The following SEMA6D variants were observed in gnomAD, a reference collection of about 807,000 sequenced individuals.
SEMA6D encodes semaphorin-6D.
Under a neutral mutation model 106.6 loss-of-function variants are expected in SEMA6D, and 35 were observed. The observed-to-expected ratio is 0.33, with a 90% confidence interval of 0.25 to 0.44. The LOEUF (loss-of-function observed/expected upper bound fraction) is 0.44. Among genes scored for constraint, SEMA6D ranks in the 20% least tolerant of loss-of-function variants. SEMA6D has a pLI of 1.00. For missense variants in SEMA6D, 1,185 were observed against 1,345.9 expected, an observed-to-expected ratio of 0.88 and a Z score of 1.87; for synonymous variants, 499 against 487.7, an observed-to-expected ratio of 1.02 and a Z score of -0.31.
At position 47,768,680 on chromosome 15, in the gene SEMA6D, G is replaced by A. The variant is rs545257336; in HGVS notation, c.1865G>A (p.Arg622Gln). 1.9e-5 allele frequency: 31 copies of A among 1,613,582 alleles called. No homozygotes were observed. Among genetic ancestry groups the A allele is most frequent in the Middle Eastern group, 1.7e-4 (1 of 6,054 alleles). The change falls in exon 18 of 19, where the codon CGG becomes CAG. Residue 622 changes from arginine (R) to glutamine (Q), a missense_variant. By Grantham distance (43) the Arg-to-Gln change is conservative (BLOSUM62 1). This residue lies in a region of SEMA6D where 750 missense variants were observed against 783.5 expected (regional missense o/e 0.96). Transcript: ENST00000536845. ...DTWRPKLTSS[R>Q]KFVVQDDPNT... ...TGGAGACCTAAACTGACAAGCTCTC[G>A]GAAATTTGTAGTTCAAGATGATCCA...
At chr15:47,622,201 CAAAAAAAA>C (rs199839582) in intron 4 of SEMA6D, among the ~76,000 whole-genome samples, 5 of 62,798 alleles carry the variant, frequency 8.0e-5, no homozygotes, top group African/African-American at 2.0e-4. Context: ...GAAACCCAGC[CAAAAAAAA>C]AAAAAAAAAA....
intron 1 of SEMA6D, among the ~76,000 whole-genome samples, chr15:47,219,622 T>G (rs1209212254): frequency 6.6e-6 from 1 of 152,190 alleles, no homozygotes; most frequent in Admixed American, 6.6e-5. Context: ...AGAAACATGG[T>G]GTTTTTATGC....
intron 1 of SEMA6D, among the ~76,000 whole-genome samples, chr15:47,381,171 T>C (rs1422037472): frequency 6.6e-6 from 1 of 152,256 alleles, no homozygotes; most frequent in East Asian, 1.9e-4. Context: ...ACTTGGACTA[T>C]GTCTACATGG....
rs575603119 is a variant in SEMA6D at position 47,668,990 on chromosome 15, A to G, written c.-55+68094A>G. Among the ~76,000 whole-genome samples the G allele has an allele frequency of 3.3e-5, 5 of 152,294 alleles. No homozygotes were observed. The East Asian group carries it at 9.7e-4, about 29-fold the overall frequency. On this transcript the variant is annotated intron_variant, in intron 4 of 19. Coordinates refer to the SEMA6D transcript ENST00000558014. ...TTCAAACTTCTAGAAAAGTTGAAAA[A>G]TATTATAATGAACACCCATATAGAT...
At chr15:47,659,845 C>T (rs892992766) in intron 4 of SEMA6D, among the ~76,000 whole-genome samples, 1 of 151,942 alleles carries the variant, frequency 6.6e-6, no homozygotes, top group African/African-American at 2.4e-5. Flanking sequence ...AATTTTTATA[C>T]CCACAAATTA....
chr15:47,347,935 T>G (rs1807462461), intron 1 of SEMA6D, among the ~76,000 whole-genome samples: 2 of 152,198 alleles, frequency 1.3e-5, no homozygotes, highest in Admixed American at 1.3e-4. Flanking sequence ...ACAGGAGAGT[T>G]TCTGAGTCCC....
chr15:47,639,584 A>C (rs2077452652), intron 4 of SEMA6D, among the ~76,000 whole-genome samples: 1 of 152,192 alleles, frequency 6.6e-6, no homozygotes, highest in South Asian at 2.1e-4. Context: ...AGGAGAAAAA[A>C]GAGAAATGTT....
intron 1 of SEMA6D, among the ~76,000 whole-genome samples, chr15:47,270,983 A>G (rs973536379): frequency 3.3e-5 from 5 of 152,202 alleles, no homozygotes; most frequent in African/African-American, 1.2e-4. Flanking sequence ...AGTTACAGAC[A>G]TCTAATACCT....
intron 1 of SEMA6D, among the ~76,000 whole-genome samples, chr15:47,236,688 A>C (rs1167872966): frequency 6.6e-6 from 1 of 152,144 alleles, no homozygotes; most frequent in East Asian, 1.9e-4. Flanking sequence ...TGCATCCACT[A>C]TAGATGTAGT....
chr15:47,200,538 A>G (rs990712114), intron 1 of SEMA6D, among the ~76,000 whole-genome samples: 3 of 152,192 alleles, frequency 2.0e-5, no homozygotes, highest in Non-Finnish European at 2.9e-5. Flanking sequence ...ATTTTAGTCA[A>G]TGTTAATTAT....
intron 1 of SEMA6D, 104 bp downstream of exon 1, chr15:47,717,796 C>CGTGCGCGGTGGGGGTCGGAACCT (rs370340667): frequency 8.3e-6 from 1 of 120,386 alleles, no homozygotes; most frequent in South Asian, 2.8e-4. Context: ...TGTGTGTGTG[C>CGTGCGCGGTGGGGGTCGGAACCT]GCGCGGTGGG....
intron 1 of SEMA6D, among the ~76,000 whole-genome samples, chr15:47,248,004 G>A (rs2033298010): frequency 1.3e-5 from 2 of 152,104 alleles, no homozygotes; most frequent in Non-Finnish European, 2.9e-5. Flanking sequence ...AATAATGACA[G>A]AATTAATATG....
At chr15:47,714,127 A>C (rs938343770), upstream of SEMA6D, among the ~76,000 whole-genome samples, 24 of 152,314 alleles carry the variant, frequency 1.6e-4, no homozygotes, top group African/African-American at 5.3e-4. Context: ...CCCAAGTCAC[A>C]AGTCTAGTGA....
chr15:47,657,176 A>G (rs529098210), intron 4 of SEMA6D, among the ~76,000 whole-genome samples: 3 of 152,334 alleles, frequency 2.0e-5, no homozygotes, highest in African/African-American at 7.2e-5. Flanking sequence ...TAATGCTAAC[A>G]TTTATAGAAA....
rs563053351 is a variant in SEMA6D at position 47,704,344 on chromosome 15, A to G, written c.-54-55401A>G. Among the ~76,000 whole-genome samples, 9 of 152,262 alleles carry G rather than the reference A, an allele frequency of 5.9e-5. No individual in the cohort carries two copies. In the South Asian group the frequency reaches 1.7e-3, roughly 28 times the overall value. ...ATATATACCATCACTTTATATTTTT[A>G]AAATATTTTGTATAGTTTTAATGTA... On this transcript the variant is annotated intron_variant, in intron 4 of 19. Coordinates refer to the SEMA6D transcript ENST00000558014.
intron 3 of SEMA6D, among the ~76,000 whole-genome samples, chr15:47,513,250 T>C (rs2044286694): frequency 6.6e-6 from 1 of 152,144 alleles, no homozygotes; most frequent in Non-Finnish European, 1.5e-5. Context: ...CTGTGATACA[T>C]ATGTATCATG....
At chr15:47,443,751 A>T (rs1171049894) in intron 2 of SEMA6D, among the ~76,000 whole-genome samples, 1 of 152,152 alleles carries the variant, frequency 6.6e-6, no homozygotes, top group Non-Finnish European at 1.5e-5. Flanking sequence ...ATTTTCATCA[A>T]TATACAGTTA....
chr15:47,446,318 G>T (rs922026641), intron 2 of SEMA6D, among the ~76,000 whole-genome samples: 1 of 152,134 alleles, frequency 6.6e-6, no homozygotes, highest in Admixed American at 6.5e-5. Context: ...CATACCAGTG[G>T]GGGGCTGGAT....
At chr15:47,516,843 T>C (rs1217102942) in intron 3 of SEMA6D, among the ~76,000 whole-genome samples, 1 of 152,176 alleles carries the variant, frequency 6.6e-6, no homozygotes, top group African/African-American at 2.4e-5. Context: ...CCCCAGGGTG[T>C]CGAGGAGTCC....
Sources: gnomAD v4.1 joint callset for allele counts (sites outside exome capture counted in the v4.1 genomes callset) on GRCh38, gnomAD v4.1.1 for gene constraint, gnomAD v4.1.1 regional missense constraint, MANE v1.5 for transcripts, NCBI Gene and HGNC (gene_info 2026-07-23, HGNC 2026-07-21) for gene names.